The following SPTBN4 variants were observed in gnomAD, a reference collection of about 807,000 sequenced individuals.
SPTBN4 encodes spectrin beta chain, non-erythrocytic 4.
A neutral mutation model predicts 277.8 loss-of-function variants in SPTBN4; 96 were observed. The observed-to-expected ratio is 0.35, with a 90% CI of 0.29 to 0.41. The LOEUF (loss-of-function observed/expected upper bound fraction) is 0.41. Ranked by LOEUF, SPTBN4 falls within the 10% of genes least tolerant of loss-of-function variation. SPTBN4 has a pLI of 1.00. For synonymous variants in SPTBN4, 1,481 were observed against 1,580.3 expected, an observed-to-expected ratio of 0.94 and a Z score of 1.49; for missense variants, 3,006 against 3,595.7, an observed-to-expected ratio of 0.84 and a Z score of 4.19.
intron 26 of SPTBN4, among the ~76,000 whole-genome samples, chr19:40,558,047 G>C (rs776647624): frequency 2.1e-4 from 32 of 151,986 alleles, no homozygotes; most frequent in Non-Finnish European, 3.5e-4. Flanking sequence ...GAATTTGGCT[G>C]TGGTGTAGAT....
chr19:40,567,531 G>A, intron 30 of SPTBN4, 132 bp from the exon 31 acceptor site: 2 of 878,560 alleles, frequency 2.3e-6, no homozygotes, highest in Non-Finnish European at 1.6e-6. Context: ...CACAGGCCTG[G>A]ACACCTTGCT....
Position 40,569,677 on chromosome 19 carries a change from T to C in SPTBN4, c.6977T>C (p.Ile2326Thr), listed in dbSNP as rs748334935. ...LVKGKATLAD[I>T]VEQLQEKEAG... is the part of the protein sequence containing the mutation. ...CCCAGGAAGGCCACCCTGGCTGACA[T>C]TGTGGAACAGCTGCAGGAGAAAGAG... Residue 2326 changes from isoleucine (I) to threonine (T), a missense_variant, in exon 32 of 36, where the codon ATT becomes ACT. This residue lies in a region of SPTBN4 where 630 missense variants were observed against 677.6 expected (regional missense o/e 0.93). Coordinates refer to ENST00000598249, the MANE Select transcript of SPTBN4 (RefSeq NM_020971.3). 6.8e-6 allele frequency: 11 copies of C among 1,612,716 alleles called. No individual in the cohort carries two copies. The highest frequency in any genetic ancestry group is 1.3e-5 in the African/African-American group (1 of 74,910).
At position 40,554,105 on chromosome 19, in the gene SPTBN4, A is replaced by G; in HGVS notation, c.4675-42A>G. The G allele has an allele frequency of 7.1e-7, 1 of 1,402,760 alleles. No individual in the cohort carries two copies. The highest frequency in any genetic ancestry group is 2.8e-5 in the East Asian group (1 of 35,488). 86.9% of individuals were successfully genotyped at this position (1,402,760 alleles called of 1,614,324 possible). A position where few individuals can be genotyped will look rare whatever the true frequency, so the allele number is the denominator to read the frequency against. ...GCGTGTGGTCTTGCAGGGCCTCGGA[A>G]CGCCCCCTCTCCACCCACATCCCCT... is the stretch of plus-strand genomic sequence containing the variant. On this transcript the variant is annotated intron_variant, in intron 22 of 35. Coordinates refer to ENST00000598249, the MANE Select transcript of SPTBN4 (RefSeq NM_020971.3). The surrounding 1 kb of genome is among the most constrained non-coding windows in gnomAD (Gnocchi z 5.7).
chr19:40,542,021 C>T (rs1568365451), intron 20 of SPTBN4, among the ~76,000 whole-genome samples: 1 of 152,274 alleles, frequency 6.6e-6, no homozygotes, highest in East Asian at 1.9e-4. Context: ...TCCCGGATTC[C>T]AGCGATTCTC....
intron 17 of SPTBN4, among the ~76,000 whole-genome samples, chr19:40,525,647 A>G (rs1443731325): frequency 6.6e-6 from 1 of 152,140 alleles, no homozygotes; most frequent in Non-Finnish European, 1.5e-5. Context: ...CCTCCAGTCA[A>G]TTAAACATGT....
At chr19:40,539,985 G>T (rs2080780385) in intron 20 of SPTBN4, among the ~76,000 whole-genome samples, 1 of 151,510 alleles carries the variant, frequency 6.6e-6, no homozygotes, top group South Asian at 2.1e-4. Context: ...GAGCGCAGTG[G>T]CACAATCTCG....
rs1342961510 is a variant in SPTBN4, at chr19:40,570,602, C to G, written c.7193C>G (p.Ser2398Trp). The G allele has an allele frequency of 2.9e-6, 4 of 1,385,028 alleles. 1 individual carries two copies. In the African/African-American group the frequency reaches 4.6e-5, roughly 16 times the overall value. 85.8% of individuals were successfully genotyped at this position (1,385,028 alleles called of 1,614,324 possible). The change falls in exon 33 of 36, where the codon TCG becomes TGG. Residue 2398 changes from serine (S) to tryptophan (W), a missense_variant. Ser to Trp is a radical substitution (Grantham distance 177). This residue lies in a region of SPTBN4 where 630 missense variants were observed against 677.6 expected (regional missense o/e 0.93). Coordinates refer to ENST00000598249, the MANE Select transcript of SPTBN4 (RefSeq NM_020971.3). ...EGGEGGGSRR[S>W]RSAPAQGGSA... ...GGTGAGGGCGGGGGAAGCCGGCGCT[C>G]GCGCTCCGCCCCGGCCCAGGGCGGC...
chr19:40,572,277 G>A, intron 34 of SPTBN4, 61 bp from the exon 35 acceptor site: 2 of 1,608,398 alleles, frequency 1.2e-6, no homozygotes, highest in Non-Finnish European at 1.7e-6. Flanking sequence ...GGGGACACTT[G>A]GTGGGCAGGT....
chr19:40,565,264 CA>C (rs71173654), intron 27 of SPTBN4, among the ~76,000 whole-genome samples, 158 bp from the exon 28 acceptor site: 55 of 128,396 alleles, frequency 4.3e-4, no homozygotes, highest in Admixed American at 3.2e-4. Flanking sequence ...GACTTTATCT[CA>C]AAAAAAAAAA....
At chr19:40,483,496 G>T (rs944003355) in intron 2 of SPTBN4, among the ~76,000 whole-genome samples, 1 of 152,026 alleles carries the variant, frequency 6.6e-6, no homozygotes, top group African/African-American at 2.4e-5. Flanking sequence ...TTACTTATCT[G>T]TATTTTTTAA....
chr19:40,555,382 T>A (rs2080965575), intron 24 of SPTBN4: 1 of 145,990 alleles, frequency 6.8e-6, no homozygotes, highest in Non-Finnish European at 1.5e-5. Flanking sequence ...TCCTAGCTAC[T>A]GGGGAGGCTG....
At position 40,560,779 on chromosome 19, in the gene SPTBN4, A is replaced by C; in HGVS notation, c.5915+376A>C. 2 of 1,238,926 alleles carry C rather than the reference A, an allele frequency of 1.6e-6. No individual in the cohort carries two copies. Among genetic ancestry groups the C allele is most frequent in the Non-Finnish European group, 1.0e-6 (1 of 978,718 alleles). 76.7% of individuals were successfully genotyped at this position (1,238,926 alleles called of 1,614,324 possible). On this transcript the variant is annotated intron_variant, in intron 27 of 35. Transcript: ENST00000598249. This position sits in a 1 kb window ranked among gnomAD's most constrained non-coding sequence, Gnocchi z 5.2. ...CATCTCAGTGGCTTCATTAGTGGGC[A>C]TGGGCTTATTGCTCACATAGTGGTT...
In SPTBN4 at chr19:40,567,951, G is replaced by A; in HGVS notation, c.6625G>A (p.Ala2209Thr). The A allele has an allele frequency of 6.6e-7, 1 of 1,509,594 alleles. No individual in the cohort carries two copies. Among genetic ancestry groups the A allele is most frequent in the Admixed American group, 2.2e-5 (1 of 45,376 alleles). The allele number at this position is 1,509,594 out of a possible 1,614,324, so 93.5% of individuals were successfully genotyped here. ...GAGGGTGGAGCCCGCGGCCCTGCCG[G>A]CCGCACCAGAGGACGCGGCGGAGAC... is the stretch of plus-strand genomic sequence containing the variant. ...PGRVEPAALP[A>T]APEDAAETPA... is the part of the protein sequence containing the mutation. The change falls in exon 31 of 36, where the codon GCC becomes ACC. Residue 2209 changes from alanine (A) to threonine (T), a missense_variant. Around this residue, in one of 5 missense-constraint regions of SPTBN4, gnomAD observed 630 missense variants for 677.6 expected, o/e 0.93. Transcript: ENST00000598249.
intron 17 of SPTBN4, among the ~76,000 whole-genome samples, chr19:40,528,099 G>C (rs2080616521): frequency 6.7e-6 from 1 of 148,952 alleles, no homozygotes; most frequent in Non-Finnish European, 1.5e-5. Context: ...CTCTCATGGA[G>C]ACCCTGGGAG....
Position 40,554,134 on chromosome 19 carries a change from C to T in SPTBN4, c.4675-13C>T. On this transcript the variant is annotated splice_polypyrimidine_tract_variant and intron_variant, in intron 22 of 35. Transcript: ENST00000598249. This position sits in a 1 kb window ranked among gnomAD's most constrained non-coding sequence, Gnocchi z 5.7. ...CCCCTCTCCACCCACATCCCCTTAC[C>T]TCCTGCCCCCAGGGCCTGCGGCGGG... 7.0e-7 allele frequency: 1 copy of T among 1,435,708 alleles called. No individual in the cohort carries two copies. The highest frequency in any genetic ancestry group is 1.5e-5 in the South Asian group (1 of 65,658). 88.9% of individuals were successfully genotyped at this position (1,435,708 alleles called of 1,614,324 possible). A position where few individuals can be genotyped will look rare whatever the true frequency, so the allele number is the denominator to read the frequency against.
Position 40,549,263 on chromosome 19 carries a change from G to A in SPTBN4, c.4434G>A (p.Leu1478=), listed in dbSNP as rs2080890121. 1.3e-6 allele frequency: 2 copies of A among 1,546,340 alleles called. No homozygotes were observed. The highest frequency in any genetic ancestry group is 1.7e-6 in the Non-Finnish European group (2 of 1,146,692). The part of the protein sequence containing the change: ...ELQAQTAALP[L]EPASKELVGE... ...AGGCGCAGACGGCGGCGCTGCCGCT[G>A]GAGCCGGCGAGCAAGGAGCTGGTGG... The change falls in exon 21 of 36, where the codon CTG becomes CTA. Residue 1478 remains leucine (L), a synonymous_variant. Coordinates refer to ENST00000598249, the MANE Select transcript of SPTBN4 (RefSeq NM_020971.3).
At position 40,513,402 on chromosome 19, in the gene SPTBN4, G is replaced by A. The variant is rs1457624495; in HGVS notation, c.2613G>A (p.Ala871=). 6.2e-7 allele frequency: 1 copy of A among 1,604,992 alleles called. No individual in the cohort carries two copies. The highest frequency in any genetic ancestry group is 8.5e-7 in the Non-Finnish European group (1 of 1,177,356). The change falls in exon 14 of 36, where the codon GCG becomes GCA. Residue 871 remains alanine, a synonymous_variant. Transcript: ENST00000598249. ...TCGCTGAGGTGACCGAAGTGGCGGC[G>A]CTGAGGCGCCAGTGGCTGCGGGACG... ...QLFAEVTEVA[A]LRRQWLRDAL...
chr19:40,479,104 C>A (rs780621146), intron 2 of SPTBN4, among the ~76,000 whole-genome samples: 2 of 151,454 alleles, frequency 1.3e-5, no homozygotes, highest in Non-Finnish European at 2.9e-5. Flanking sequence ...GTTTTTCTCC[C>A]GCTTTTATTT....
chr19:40,568,399 T>G (rs564191737), intron 31 of SPTBN4, 117 bp downstream of exon 31: 2 of 1,370,146 alleles, frequency 1.5e-6, no homozygotes, highest in Non-Finnish European at 1.9e-6. Context: ...GAAGGAGATA[T>G]CGCCGCGGTA....
Sources: gnomAD v4.1 joint callset for allele counts (sites outside exome capture counted in the v4.1 genomes callset) on GRCh38, gnomAD v4.1.1 for gene constraint, gnomAD v4.1.1 regional missense constraint, Gnocchi (gnomAD v3.1) non-coding constraint, MANE v1.5 for transcripts, NCBI Gene and HGNC (gene_info 2026-07-23, HGNC 2026-07-21) for gene names.